Variants in PNO1 observed in about 807,000 individuals in gnomAD.
The protein encoded by PNO1 is RNA-binding protein PNO1.
Under a neutral mutation model 28.4 loss-of-function variants are expected in PNO1, and 16 were observed. That is an observed-to-expected ratio of 0.56 (90% CI 0.38 to 0.85). PNO1 has a LOEUF of 0.85. Ranked by LOEUF, PNO1 falls within the 40% of genes least tolerant of loss-of-function variation. PNO1 has a pLI of 0.00. For missense variants in PNO1, 304 were observed against 312.2 expected (o/e 0.97, Z 0.20); for synonymous variants, 115 against 110.8 (o/e 1.04, Z -0.24).
chr2:68,166,047 T>G, intron 5 of PNO1, among the ~76,000 whole-genome samples: 1 of 152,224 alleles, frequency 6.6e-6, no homozygotes, highest in East Asian at 1.9e-4. Context: ...TTTCTAGAAA[T>G]TCATATAAAT....
Position 68,174,752 on chromosome 2 carries a change from G to A in PNO1, c.709G>A (p.Val237Ile), listed in dbSNP as rs752339207. Residue 237 changes from valine (V) to isoleucine (I), a missense_variant, in exon 7 of 7, where the codon GTT (valine) becomes ATT (isoleucine). Val to Ile is a conservative substitution (Grantham distance 29, BLOSUM62 3). Coordinates refer to ENST00000263657, the MANE Select transcript of PNO1 (RefSeq NM_020143.4). The stretch of plus-strand genomic sequence containing the variant: ...CTTTGCAGGAAATCCTCCTTCCAAG[G>A]TTTATGGCAATATTCGAGCTGTGGC... The part of the protein sequence containing the change: ...NLILGNPPSK[V>I]YGNIRAVASR... 1.2e-6 allele frequency: 2 copies of A among 1,608,726 alleles called. No individual in the cohort carries two copies. Among genetic ancestry groups the A allele is most frequent in the East Asian group, 4.5e-5 (2 of 44,800 alleles).
chr2:68,167,679 C>A (rs1674028917), intron 5 of PNO1, among the ~76,000 whole-genome samples: 1 of 152,166 alleles, frequency 6.6e-6, no homozygotes, highest in Non-Finnish European at 1.5e-5. Context: ...CCTGTTCAGG[C>A]AGATATTATT....
At chr2:68,166,289 C>T (rs770982094) in intron 5 of PNO1, among the ~76,000 whole-genome samples, 3 of 152,180 alleles carry the variant, frequency 2.0e-5, no homozygotes, top group East Asian at 1.9e-4. Context: ...CTTAACTACT[C>T]CTGCTTTTGG....
At chr2:68,163,530 C>CAACT (rs1268575358) in intron 5 of PNO1, among the ~76,000 whole-genome samples, 1 of 147,426 alleles carries the variant, frequency 6.8e-6, no homozygotes, top group African/African-American at 2.6e-5. Context: ...GACTCTGTCT[C>CAACT]AAATAAATAA....
intron 5 of PNO1, among the ~76,000 whole-genome samples, chr2:68,171,451 GCA>G (rs1242796423): frequency 6.6e-6 from 1 of 152,182 alleles, no homozygotes; most frequent in Non-Finnish European, 1.5e-5. Flanking sequence ...ACTTCGGTCT[GCA>G]CAGTCAGTTC....
intron 5 of PNO1, among the ~76,000 whole-genome samples, chr2:68,167,911 C>T (rs1674032991): frequency 6.6e-6 from 1 of 152,186 alleles, no homozygotes; most frequent in Admixed American, 6.5e-5. Context: ...TCATATTAGA[C>T]TCTATAGATG....
chr2:68,161,828 T>C (rs1028914412), intron 3 of PNO1, 62 bp downstream of exon 3: 2 of 1,094,974 alleles, frequency 1.8e-6, no homozygotes, highest in African/African-American at 3.2e-5. Flanking sequence ...AACATTTCAA[T>C]GGATTAGGCA....
At position 68,175,620 on chromosome 2, in the gene PNO1, A is replaced by G. The variant is rs1674258445; in HGVS notation, c.*818A>G. ...GGTTTTGGCCATACCGTATTATACC[A>G]TATACATCAGTAAGAGCTCATCTTG... On this transcript the variant is annotated 3_prime_UTR_variant, in exon 7 of 7. Transcript: ENST00000263657. The G allele has an allele frequency of 6.7e-6, 1 of 149,348 alleles. No individual in the cohort carries two copies. The highest frequency in any genetic ancestry group is 6.7e-5 in the Admixed American group (1 of 14,818). The allele number at this position is 149,348 out of a possible 1,614,324, so 9.3% of individuals were successfully genotyped here.
Position 68,174,912 on chromosome 2 carries a change from C to T in PNO1, c.*110C>T. ...AATTTCAGTCATTTGAAGCCTCCGT[C>T]CCTTCTTCCATTCTCAGCCAGAAGC... On this transcript the variant is annotated 3_prime_UTR_variant, in exon 7 of 7. Coordinates refer to ENST00000263657, the MANE Select transcript of PNO1 (RefSeq NM_020143.4). The T allele has an allele frequency of 1.7e-6, 1 of 602,948 alleles. No individual in the cohort carries two copies. 37.3% of individuals were successfully genotyped at this position (602,948 alleles called of 1,614,324 possible). A position where few individuals can be genotyped will look rare whatever the true frequency, so the allele number is the denominator to read the frequency against.
At chr2:68,163,229 G>A (rs1273436473) in intron 5 of PNO1, among the ~76,000 whole-genome samples, 1 of 152,112 alleles carries the variant, frequency 6.6e-6, no homozygotes, top group Admixed American at 6.5e-5. Context: ...TATTACAGGT[G>A]AAGATTTAAA....
chr2:68,164,414 C>T (rs1006219780), intron 5 of PNO1, among the ~76,000 whole-genome samples: 2 of 152,060 alleles, frequency 1.3e-5, no homozygotes, highest in African/African-American at 4.8e-5. Context: ...TCACCTGAGC[C>T]CAGAAGGTTG....
intron 5 of PNO1, 157 bp from the exon 6 acceptor site, chr2:68,173,190 A>AT (rs1338812539): frequency 9.7e-6 from 5 of 513,798 alleles, no homozygotes; most frequent in Non-Finnish European, 1.7e-5. Flanking sequence ...TAACTGTTGA[A>AT]TTTTTTTGTA....
Position 68,173,367 on chromosome 2 carries a change from C to T in PNO1, c.641C>T (p.Ser214Phe). The T allele has an allele frequency of 6.2e-7, 1 of 1,605,786 alleles. No homozygotes were observed. Among genetic ancestry groups the T allele is most frequent in the Non-Finnish European group, 8.5e-7 (1 of 1,172,698 alleles). Residue 214 changes from serine to phenylalanine, a missense_variant, in exon 6 of 7, where the codon TCC (serine) becomes TTC (phenylalanine). Transcript: ENST00000263657. Reference protein sequence around the residue: ...LADVKVHILGSFQNIKMARTA... With the variant: ...LADVKVHILGFFQNIKMARTA... ...TTCAGGAAAGTTCACATCCTTGGCT[C>T]CTTCCAAAATATCAAGATGGCAAGA...
chr2:68,158,655 A>G, intron 2 of PNO1, 126 bp downstream of exon 2: 2 of 796,126 alleles, frequency 2.5e-6, no homozygotes, highest in Non-Finnish European at 1.9e-6. Context: ...TTAAAAATTT[A>G]CCATATTGAG....
chr2:68,163,277 A>G (rs1673884059), intron 5 of PNO1, among the ~76,000 whole-genome samples: 1 of 152,248 alleles, frequency 6.6e-6, no homozygotes, highest in Admixed American at 6.5e-5. Context: ...CACGCCTGCA[A>G]TCCCAGCACT....
chr2:68,171,402 G>C (rs917093609), intron 5 of PNO1, among the ~76,000 whole-genome samples: 1 of 152,158 alleles, frequency 6.6e-6, no homozygotes, highest in Non-Finnish European at 1.5e-5. Context: ...CCAGAGTTCT[G>C]CTTCTTGATA....
At chr2:68,174,694 G>A (rs1178858943) in intron 6 of PNO1, 41 bp from the exon 7 acceptor site, 1 of 1,385,992 alleles carries the variant, frequency 7.2e-7, no homozygotes. Context: ...CGCTATAAAT[G>A]TGAGTTTATT....
intron 5 of PNO1, among the ~76,000 whole-genome samples, chr2:68,172,716 GC>G (rs1197355852): frequency 1.3e-5 from 2 of 152,146 alleles, no homozygotes; most frequent in Non-Finnish European, 2.9e-5. Flanking sequence ...TCTTGGGCAG[GC>G]TTTTTGATTT....
intron 5 of PNO1, among the ~76,000 whole-genome samples, chr2:68,172,818 C>T (rs575104005): frequency 6.6e-6 from 1 of 152,326 alleles, no homozygotes; most frequent in South Asian, 2.1e-4. Flanking sequence ...ATAAAGCACT[C>T]ATAGGATGGG....
Sources: allele counts gnomAD v4.1 joint callset (sites outside exome capture counted in the v4.1 genomes callset), GRCh38; gene constraint gnomAD v4.1.1; transcripts MANE v1.5; gene names NCBI Gene and HGNC (gene_info 2026-07-23, HGNC 2026-07-21).